Variants in PRKCH observed in about 807,000 individuals in gnomAD.
PRKCH encodes the protein protein kinase C eta type.
In PRKCH, 28 loss-of-function variants were observed where a neutral mutation model predicts 82.5. That is an observed-to-expected ratio of 0.34 (90% CI 0.25 to 0.47). PRKCH has a LOEUF of 0.47. Ranked by LOEUF, PRKCH falls within the 20% of genes least tolerant of loss-of-function variation. The pLI is 1.00. For synonymous variants in PRKCH, 322 were observed against 327.4 expected (o/e 0.98, Z 0.18); for missense variants, 705 against 881.8 (o/e 0.80, Z 2.54).
chr14:61,373,950 C>T (rs1340580236), intron 1 of PRKCH, among the ~76,000 whole-genome samples: 2 of 152,084 alleles, frequency 1.3e-5, no homozygotes, highest in Non-Finnish European at 2.9e-5. Flanking sequence ...GTCCGCAATC[C>T]AAAGTCTCAT....
intron 11 of PRKCH, 58 bp downstream of exon 11, chr14:61,529,271 G>C (rs2043012969): frequency 6.5e-7 from 1 of 1,538,136 alleles, no homozygotes; most frequent in Non-Finnish European, 8.8e-7. Context: ...ACTCTGACCA[G>C]AAATGCCACT....
intron 9 of PRKCH, among the ~76,000 whole-genome samples, chr14:61,483,231 C>A (rs1886062637): frequency 6.6e-6 from 1 of 152,214 alleles, no homozygotes; most frequent in African/African-American, 2.4e-5. Context: ...GTGTGTATAT[C>A]CTCCGCCCAA....
chr14:61,513,513 A>G (rs187439585), intron 10 of PRKCH, among the ~76,000 whole-genome samples: 20 of 152,292 alleles, frequency 1.3e-4, no homozygotes, highest in African/African-American at 4.3e-4. Context: ...TCAGCCCAGG[A>G]GAGAAATGAG....
chr14:61,379,471 T>TTA (rs2046469089), intron 1 of PRKCH, among the ~76,000 whole-genome samples: 1 of 152,258 alleles, frequency 6.6e-6, no homozygotes, highest in Admixed American at 6.5e-5. Context: ...CTTGAAATGC[T>TTA]TATGTATGCT....
chr14:61,192,711 A>G (rs1400515022), intron 1 of PRKCH, among the ~76,000 whole-genome samples: 1 of 152,236 alleles, frequency 6.6e-6, no homozygotes, highest in Non-Finnish European at 1.5e-5. Flanking sequence ...CTTAGCATCT[A>G]TAGTAGATGG....
intron 1 of PRKCH, chr14:61,327,040 G>A (rs745930454): frequency 6.8e-5 from 31 of 455,812 alleles, no homozygotes; most frequent in South Asian, 2.6e-4. Flanking sequence ...TGGAGGCTGC[G>A]TCATGGAAAG....
chr14:61,395,512 G>T (rs2046765707), intron 2 of PRKCH, among the ~76,000 whole-genome samples: 1 of 152,106 alleles, frequency 6.6e-6, no homozygotes, highest in Admixed American at 6.5e-5. Context: ...GTGTGTTTTG[G>T]ACTGTGAAAA....
chr14:61,370,724 T>C (rs1358333874), intron 1 of PRKCH, among the ~76,000 whole-genome samples: 1 of 152,144 alleles, frequency 6.6e-6, no homozygotes, highest in African/African-American at 2.4e-5. Context: ...CTTCGCTCTC[T>C]GTATTTCTGT....
intron 1 of PRKCH, among the ~76,000 whole-genome samples, chr14:61,388,525 G>A (rs540292927): frequency 6.6e-6 from 1 of 152,322 alleles, no homozygotes; most frequent in African/African-American, 2.4e-5. Flanking sequence ...CAGGATGGCG[G>A]AGGCGGCCAG....
At chr14:61,239,167 A>G (rs2044814310) in intron 1 of PRKCH, among the ~76,000 whole-genome samples, 1 of 152,192 alleles carries the variant, frequency 6.6e-6, no homozygotes, top group Non-Finnish European at 1.5e-5. Context: ...TGGATATTGC[A>G]TCAACCCAAA....
At chr14:61,409,714 A>G (rs1882168981) in intron 2 of PRKCH, among the ~76,000 whole-genome samples, 1 of 151,666 alleles carries the variant, frequency 6.6e-6, no homozygotes. Context: ...AAAAAAAAAA[A>G]AAAAAAAAAA....
intron 1 of PRKCH, among the ~76,000 whole-genome samples, chr14:61,390,035 C>A (rs954451730): frequency 6.6e-6 from 1 of 152,084 alleles, no homozygotes; most frequent in African/African-American, 2.4e-5. Context: ...AAAAATGGAG[C>A]CATGGGCAGA....
chr14:61,507,678 A>G lies in PRKCH; in HGVS notation c.1434-21397A>G, dbSNP rs557251124. 2.6e-5 allele frequency among the ~76,000 whole-genome samples: 4 copies of G among 152,292 alleles called. No homozygotes were observed. In the East Asian group the frequency reaches 7.7e-4, roughly 29 times the overall value. On this transcript the variant is annotated intron_variant, in intron 10 of 13. Transcript: ENST00000332981. ...AATGAAATAAGGCAGACCCAGAAAG[A>G]CAGATACTGCATGATCTCACTCATA...
rs542784631 is a variant in PRKCH at position 61,409,300 on chromosome 14, C to T, written c.427+18012C>T. ...CAGGATAGCATGACCCAGCCATGGG[C>T]TCAAGGAATTGCTCTTTGGGATATG... On this transcript the variant is annotated intron_variant, in intron 2 of 13. Coordinates refer to ENST00000332981, the MANE Select transcript of PRKCH (RefSeq NM_006255.5). Among the ~76,000 whole-genome samples the T allele has an allele frequency of 1.5e-4, 23 of 152,244 alleles. No homozygotes were observed. The Middle Eastern group carries it at 0.014, about 90-fold the overall frequency.
chr14:61,311,572 A>G (rs557133036), intron 1 of PRKCH, among the ~76,000 whole-genome samples: 114 of 152,296 alleles, frequency 7.5e-4, no homozygotes, highest in African/African-American at 2.6e-3. Context: ...CCAGTTCCAA[A>G]GTCACTTCCA....
chr14:61,212,707 G>A (rs1486851581), intron 1 of PRKCH, among the ~76,000 whole-genome samples: 1 of 152,156 alleles, frequency 6.6e-6, no homozygotes, highest in Non-Finnish European at 1.5e-5. Context: ...TATTTGGCAG[G>A]CACTGTGCTA....
chr14:61,466,790 C>G (rs898211186), intron 9 of PRKCH, among the ~76,000 whole-genome samples: 1 of 152,284 alleles, frequency 6.6e-6, no homozygotes, highest in Admixed American at 6.5e-5. Context: ...TCGCTTTTGC[C>G]TCCTCCCGCT....
At chr14:61,274,319 C>T (rs1024934095) in intron 1 of PRKCH, among the ~76,000 whole-genome samples, 7 of 152,130 alleles carry the variant, frequency 4.6e-5, no homozygotes, top group African/African-American at 9.7e-5. Context: ...AGATTTAGAA[C>T]GAGGCCAACC....
At position 61,189,397 on chromosome 14, in the gene PRKCH, TG is replaced by T. The variant is rs1566774544; in HGVS notation, c.-19+1730del. On this transcript the variant is annotated intron_variant, in intron 1 of 3. Transcript: ENST00000555185. ...GGGGGATGGAAGTGTGCCCCGACTC[TG>T]TAAGATATTCCCCTTCTCGGAGTTG... 1.8e-4 allele frequency among the ~76,000 whole-genome samples: 12 copies of T among 67,486 alleles called. No homozygotes were observed. The East Asian group carries it at 2.9e-3, about 16-fold the overall frequency. 44.3% of individuals were successfully genotyped at this position (67,486 alleles called of 152,430 possible).
Sources: allele counts gnomAD v4.1 joint callset (sites outside exome capture counted in the v4.1 genomes callset), GRCh38; gene constraint gnomAD v4.1.1; transcripts MANE v1.5; gene names NCBI Gene and HGNC (gene_info 2026-07-23, HGNC 2026-07-21).